The following ADGRL2 variants were observed in gnomAD, a reference collection of about 807,000 sequenced individuals.
ADGRL2 encodes the protein calcium-independent alpha-latrotoxin receptor 2.
Under a neutral mutation model 157.4 loss-of-function variants are expected in ADGRL2, and 44 were observed. That is an observed-to-expected ratio of 0.28 (90% confidence interval 0.22 to 0.36). The LOEUF (loss-of-function observed/expected upper bound fraction) is 0.36. ADGRL2 is among the 10% of genes least tolerant of loss of function. ADGRL2 has a pLI of 1.00. For synonymous variants in ADGRL2, 585 were observed against 624.7 expected (o/e 0.94, Z 0.95); for missense variants, 1,510 against 1,768.9 (o/e 0.85, Z 2.63).
chr1:81,390,818 C>G (rs1310242065), intron 1 of ADGRL2, among the ~76,000 whole-genome samples: 1 of 152,308 alleles, frequency 6.6e-6, no homozygotes, highest in Non-Finnish European at 1.5e-5. Flanking sequence ...TTTAACCAAT[C>G]CACTGTGGAT....
chr1:81,850,154 G>A (rs1438264472), intron 2 of ADGRL2, among the ~76,000 whole-genome samples: 3 of 151,916 alleles, frequency 2.0e-5, no homozygotes, highest in Admixed American at 2.0e-4. Context: ...ATTAAAAAAA[G>A]CATTAGCCAG....
rs1280630830 is a variant in ADGRL2 at position 81,993,748 on chromosome 1, C to A, written c.*2603C>A. On this transcript the variant is annotated 3_prime_UTR_variant, in exon 24 of 24. Coordinates refer to ENST00000686636, the MANE Select transcript of ADGRL2 (RefSeq NM_001366006.2). Reference sequence around the variant, plus strand: ...CAGATGCGTTATTGTATTTATTAACCCAGTTTCTTTGGGTCTGCCTAGACT... The same window carrying A: ...CAGATGCGTTATTGTATTTATTAACACAGTTTCTTTGGGTCTGCCTAGACT... Among the ~76,000 whole-genome samples the A allele has an allele frequency of 6.6e-6, 1 of 152,020 alleles. No homozygotes were observed. Among genetic ancestry groups the A allele is most frequent in the African/African-American group, 2.4e-5 (1 of 41,358 alleles).
In ADGRL2 at chr1:81,993,676, G is replaced by A. The variant is rs1037711100; in HGVS notation, c.*2531G>A. 3.3e-5 allele frequency among the ~76,000 whole-genome samples: 5 copies of A among 151,916 alleles called. No homozygotes were observed. Among genetic ancestry groups the A allele is most frequent in the Non-Finnish European group, 7.4e-5 (5 of 67,998 alleles). On this transcript the variant is annotated 3_prime_UTR_variant, in exon 24 of 24. Coordinates refer to ENST00000686636, the MANE Select transcript of ADGRL2 (RefSeq NM_001366006.2). ...TCCATCTAGGATTCCCTTAGTACAA[G>A]GTAGTTTCTTAGGTTTGTAATTACT...
At chr1:81,752,851 A>G (rs1336809489) in intron 1 of ADGRL2, among the ~76,000 whole-genome samples, 5 of 152,262 alleles carry the variant, frequency 3.3e-5, no homozygotes, top group Non-Finnish European at 5.9e-5. Flanking sequence ...AGCAACAAAT[A>G]TTATTCAAAC....
At chr1:81,629,502 G>T (rs931308405) in intron 3 of ADGRL2, among the ~76,000 whole-genome samples, 4 of 151,980 alleles carry the variant, frequency 2.6e-5, no homozygotes, top group Admixed American at 6.6e-5. Context: ...GAAAATAAAA[G>T]ATTAGAATAA....
At chr1:81,769,417 A>G (rs1011908611) in intron 2 of ADGRL2, among the ~76,000 whole-genome samples, 3 of 152,086 alleles carry the variant, frequency 2.0e-5, no homozygotes, top group African/African-American at 4.8e-5. Flanking sequence ...ACAAGAAACT[A>G]TAGTGTTAGT....
chr1:81,349,001 T>TC (rs1662679608), intron 1 of ADGRL2, among the ~76,000 whole-genome samples: 2 of 152,212 alleles, frequency 1.3e-5, no homozygotes, highest in Admixed American at 6.5e-5. Flanking sequence ...GCAGTAATAC[T>TC]CCAAGAGATT....
intron 2 of ADGRL2, among the ~76,000 whole-genome samples, chr1:81,547,255 C>T (rs2080039989): frequency 6.6e-6 from 1 of 152,156 alleles, no homozygotes; most frequent in Non-Finnish European, 1.5e-5. Context: ...CCACAGTAAA[C>T]CACTGAATTT....
intron 1 of ADGRL2, among the ~76,000 whole-genome samples, chr1:81,746,011 T>C (rs955809406): frequency 2.7e-5 from 4 of 150,468 alleles, no homozygotes; most frequent in Non-Finnish European, 5.9e-5. Flanking sequence ...AGATACTGCT[T>C]GATCAAAAAG....
intron 2 of ADGRL2, among the ~76,000 whole-genome samples, chr1:81,476,156 T>A (rs1202980947): frequency 6.7e-6 from 1 of 149,050 alleles, no homozygotes; most frequent in Non-Finnish European, 1.5e-5. Context: ...AGAAAGAGCA[T>A]AAGTGACAGA....
intron 1 of ADGRL2, among the ~76,000 whole-genome samples, chr1:81,832,539 C>T (rs1387123135): frequency 1.3e-5 from 2 of 152,060 alleles, no homozygotes; most frequent in Admixed American, 6.5e-5. Context: ...ACTATGTCTG[C>T]GAAACGAAGA....
At chr1:81,807,143 A>T (rs2089264627) in intron 1 of ADGRL2, among the ~76,000 whole-genome samples, 1 of 152,040 alleles carries the variant, frequency 6.6e-6, no homozygotes, top group Non-Finnish European at 1.5e-5. Flanking sequence ...CATTAAAAAT[A>T]GCAAGTTTAG....
At chr1:81,683,947 G>A (rs2083175534) in intron 3 of ADGRL2, among the ~76,000 whole-genome samples, 1 of 152,038 alleles carries the variant, frequency 6.6e-6, no homozygotes, top group South Asian at 2.1e-4. Flanking sequence ...CTCCTGAGTA[G>A]CTTGGATTAC....
rs181182153 is a variant in ADGRL2 at position 81,950,118 on chromosome 1, T to G, written c.1211-71T>G. 7.2e-5 allele frequency: 89 copies of G among 1,240,576 alleles called. No homozygotes were observed. The African/African-American group carries it at 1.2e-3, about 17-fold the overall frequency. 76.8% of individuals were successfully genotyped at this position (1,240,576 alleles called of 1,614,324 possible). A position where few individuals can be genotyped will look rare whatever the true frequency, so the allele number is the denominator to read the frequency against. On this transcript the variant is annotated intron_variant, in intron 6 of 23. Coordinates refer to ENST00000686636, the MANE Select transcript of ADGRL2 (RefSeq NM_001366006.2). ...TGTGTGTGTGTGTGCATGCACACAT[T>G]CCATGTGTGCATGACTGTATGTGAG...
chr1:81,964,597 A>G (rs1195894873), intron 11 of ADGRL2, among the ~76,000 whole-genome samples: 2 of 152,104 alleles, frequency 1.3e-5, no homozygotes, highest in Non-Finnish European at 1.5e-5. Flanking sequence ...ATTTACACCT[A>G]AATATAGATG....
chr1:81,703,323 G>A (rs2083633041), intron 1 of ADGRL2, among the ~76,000 whole-genome samples: 1 of 152,190 alleles, frequency 6.6e-6, no homozygotes. Context: ...GAAATTAGTG[G>A]AGCAGGGGCA....
At chr1:81,771,461 ATCAT>A (rs1335402069) in intron 2 of ADGRL2, among the ~76,000 whole-genome samples, 1 of 152,186 alleles carries the variant, frequency 6.6e-6, no homozygotes, top group Non-Finnish European at 1.5e-5. Flanking sequence ...ATATATCCTT[ATCAT>A]TAACCTTATC....
chr1:81,530,148 C>T (rs189775750), intron 2 of ADGRL2, among the ~76,000 whole-genome samples: 1 of 152,080 alleles, frequency 6.6e-6, no homozygotes, highest in Non-Finnish European at 1.5e-5. Flanking sequence ...ACAGGCCTAG[C>T]ACCTGGTAGT....
chr1:81,535,191 G>T (rs1385392906), intron 2 of ADGRL2, among the ~76,000 whole-genome samples: 1 of 152,240 alleles, frequency 6.6e-6, no homozygotes. Flanking sequence ...AATGTTGAAG[G>T]GTTTTGTTTT....
Sources: allele counts gnomAD v4.1 joint callset (sites outside exome capture counted in the v4.1 genomes callset), GRCh38; gene constraint gnomAD v4.1.1; transcripts MANE v1.5; gene names NCBI Gene and HGNC (gene_info 2026-07-23, HGNC 2026-07-21).